The following XYLT1 variants were observed in gnomAD, a reference collection of about 807,000 sequenced individuals.
XYLT1 encodes the protein beta-D-xylosyltransferase 1.
XYLT1 carries 36 observed loss-of-function variants against 91.3 expected under a neutral mutation model. The observed-to-expected ratio is 0.39, with a 90% CI of 0.30 to 0.52. XYLT1 has a LOEUF of 0.52. Among genes scored for constraint, XYLT1 ranks in the 20% least tolerant of loss-of-function variants. XYLT1 has a pLI of 0.68. For missense variants in XYLT1, 1,242 were observed against 1,284.5 expected (o/e 0.97, Z 0.51); for synonymous variants, 588 against 532.0 (o/e 1.11, Z -1.45).
chr16:17,205,608 A>C (rs1183847522), intron 3 of XYLT1, among the ~76,000 whole-genome samples: 1 of 152,216 alleles, frequency 6.6e-6, no homozygotes, highest in Non-Finnish European at 1.5e-5. Context: ...TGTCATAGCC[A>C]TCATTTCTAT....
chr16:17,411,902 T>TG (rs2036114031), intron 1 of XYLT1, among the ~76,000 whole-genome samples: 1 of 152,130 alleles, frequency 6.6e-6, no homozygotes, highest in Admixed American at 6.5e-5. Context: ...CAAATTCTAC[T>TG]GCTGACTCAC....
At chr16:17,404,666 G>C (rs1346875899) in intron 1 of XYLT1, among the ~76,000 whole-genome samples, 2 of 152,274 alleles carry the variant, frequency 1.3e-5, no homozygotes, top group South Asian at 2.1e-4. Flanking sequence ...CCAGGCACAG[G>C]GGCAGTTGCC....
In XYLT1 at chr16:17,180,720, G is replaced by A. The variant is rs191047047; in HGVS notation, c.1289+17492C>T. Among the ~76,000 whole-genome samples, 307 of 152,230 alleles carry A rather than the reference G, an allele frequency of 2.0e-3. 1 individual carries two copies. The highest frequency in any genetic ancestry group is 7.2e-3 in the African/African-American group (298 of 41,544). The stretch of plus-strand genomic sequence containing the variant: ...CCCATTCTCCACTTTTGGATTAACT[G>A]GTCTTATAGGCAGTGGGCCAAGACT... On this transcript the variant is annotated intron_variant, in intron 5 of 11. Coordinates refer to ENST00000261381, the MANE Select transcript of XYLT1 (RefSeq NM_022166.4).
intron 2 of XYLT1, among the ~76,000 whole-genome samples, chr16:17,267,276 A>G (rs965905072): frequency 1.2e-4 from 19 of 152,242 alleles, no homozygotes; most frequent in African/African-American, 4.6e-4. Flanking sequence ...GGGATTAACT[A>G]ATATGTCATG....
chr16:17,255,640 C>G (rs144605289), intron 3 of XYLT1, among the ~76,000 whole-genome samples: 361 of 152,308 alleles, frequency 2.4e-3, no homozygotes, highest in Non-Finnish European at 4.5e-3. Flanking sequence ...AGACAGGAAC[C>G]ACCTCGACCA....
intron 10 of XYLT1, among the ~76,000 whole-genome samples, chr16:17,120,813 T>C (rs941943963): frequency 7.9e-5 from 12 of 152,156 alleles, no homozygotes; most frequent in African/African-American, 1.7e-4. Flanking sequence ...TATATCTCTA[T>C]AGAGATCTAA....
intron 1 of XYLT1, among the ~76,000 whole-genome samples, chr16:17,390,943 C>A (rs1324124560): frequency 6.6e-6 from 1 of 152,148 alleles, no homozygotes; most frequent in Non-Finnish European, 1.5e-5. Flanking sequence ...GAGGCTGAGG[C>A]AGGAGAATCG....
rs184128407 is a variant in XYLT1, at chr16:17,108,462, G to A, written c.*233C>T. 6.8e-6 allele frequency: 3 copies of A among 441,254 alleles called. No individual in the cohort carries two copies. Among genetic ancestry groups the A allele is most frequent in the Admixed American group, 4.1e-5 (1 of 24,358 alleles). The allele number at this position is 441,254 out of a possible 1,614,324, so 27.3% of individuals were successfully genotyped here. ...AGGACTTGAGGATCAACCAGAAGAG[G>A]TGAGACAGTCACAGTGCAGGGACTG... On this transcript the variant is annotated 3_prime_UTR_variant, in exon 12 of 12. Coordinates refer to ENST00000261381, the MANE Select transcript of XYLT1 (RefSeq NM_022166.4).
At chr16:17,313,339 A>T (rs906215342) in intron 2 of XYLT1, among the ~76,000 whole-genome samples, 4 of 152,162 alleles carry the variant, frequency 2.6e-5, no homozygotes, top group African/African-American at 9.7e-5. Flanking sequence ...AGAGAAGGGG[A>T]CAGACAGGAC....
chr16:17,397,830 T>TC (rs2035908291), intron 1 of XYLT1, among the ~76,000 whole-genome samples: 1 of 137,594 alleles, frequency 7.3e-6, no homozygotes, highest in African/African-American at 3.1e-5. Context: ...AATAGCTCTT[T>TC]TTTTTTTTTT....
In XYLT1 at chr16:17,182,367, A is replaced by C. The variant is rs556379998; in HGVS notation, c.1289+15845T>G. 2.0e-3 allele frequency among the ~76,000 whole-genome samples: 308 copies of C among 152,256 alleles called. 1 individual carries two copies. Among genetic ancestry groups the C allele is most frequent in the African/African-American group, 7.2e-3 (299 of 41,554 alleles). ...GGCCACCTTCTTGCTCTGTCCTTAC[A>C]TGGCAGAGAAAGAGAGAGCGAGCTC... is the stretch of plus-strand genomic sequence containing the variant. On this transcript the variant is annotated intron_variant, in intron 5 of 11. Transcript: ENST00000261381.
chr16:17,125,006 T>C (rs1441125897), intron 10 of XYLT1, among the ~76,000 whole-genome samples: 1 of 152,224 alleles, frequency 6.6e-6, no homozygotes, highest in Non-Finnish European at 1.5e-5. Context: ...CCTATATCTT[T>C]TTTTTTAAGT....
chr16:17,152,048 T>G (rs1239163723), intron 6 of XYLT1, among the ~76,000 whole-genome samples: 1 of 152,240 alleles, frequency 6.6e-6, no homozygotes, highest in East Asian at 1.9e-4. Context: ...ATTTCATGTA[T>G]TTTTGAAAAC....
chr16:17,236,133 G>A (rs1026183254), intron 3 of XYLT1, among the ~76,000 whole-genome samples: 3 of 152,204 alleles, frequency 2.0e-5, no homozygotes, highest in Non-Finnish European at 4.4e-5. Flanking sequence ...GTGTGGCCCT[G>A]AAGGCTTAAG....
rs372390816 is a variant in XYLT1, at chr16:17,269,319, G to T, written c.403-9821C>A. Reference sequence around the variant, plus strand: ...CCTGCCTCAGCCTCCTGAGTAGCTGGGACTACACAGGCTTTCACCACTATA... The same window carrying T: ...CCTGCCTCAGCCTCCTGAGTAGCTGTGACTACACAGGCTTTCACCACTATA... On this transcript the variant is annotated intron_variant, in intron 2 of 11. Transcript: ENST00000261381. 2.6e-4 allele frequency among the ~76,000 whole-genome samples: 40 copies of T among 152,024 alleles called. No homozygotes were observed. In the Middle Eastern group the frequency reaches 0.01, roughly 39 times the overall value.
intron 3 of XYLT1, among the ~76,000 whole-genome samples, chr16:17,233,351 T>G (rs1161647231): frequency 6.6e-6 from 1 of 152,216 alleles, no homozygotes; most frequent in Non-Finnish European, 1.5e-5. Flanking sequence ...TGGATGCCAG[T>G]GCTGAGCAAA....
chr16:17,146,297 C>T (rs567860071), intron 6 of XYLT1, among the ~76,000 whole-genome samples: 5 of 152,108 alleles, frequency 3.3e-5, no homozygotes, highest in East Asian at 1.9e-4. Context: ...AATGAAATGG[C>T]GATGACGGTA....
intron 1 of XYLT1, among the ~76,000 whole-genome samples, chr16:17,402,307 C>A (rs571099292): frequency 1.3e-5 from 2 of 150,526 alleles, no homozygotes; most frequent in Admixed American, 6.6e-5. Flanking sequence ...GCAACGGAGA[C>A]CTTGTCTCAA....
At chr16:17,232,558 T>C (rs1267563635) in intron 3 of XYLT1, among the ~76,000 whole-genome samples, 1 of 151,178 alleles carries the variant, frequency 6.6e-6, no homozygotes, top group African/African-American at 2.4e-5. Context: ...ATTGATTGAT[T>C]GATGATGATG....
Sources: allele counts gnomAD v4.1 joint callset (sites outside exome capture counted in the v4.1 genomes callset), GRCh38; gene constraint gnomAD v4.1.1; transcripts MANE v1.5; gene names NCBI Gene and HGNC (gene_info 2026-07-23, HGNC 2026-07-21).